Variants in CHI3L2 observed in about 807,000 individuals in gnomAD.
CHI3L2 encodes the protein chitinase-3-like protein 2.
In CHI3L2, 47 loss-of-function variants were observed where a neutral mutation model predicts 47.3. The ratio of observed to expected loss-of-function variants is 0.99; its 90% CI spans 0.79 to 1.27. CHI3L2 has a LOEUF of 1.27. Among genes scored for constraint, CHI3L2 ranks in the 50% most tolerant of loss-of-function variants. The probability of loss-of-function intolerance (pLI) is 0.00; values close to 1 mark genes in which losing one functional copy is unlikely to be tolerated. For missense variants in CHI3L2, 497 were observed against 462.1 expected, an observed-to-expected ratio of 1.08 and a Z score of -0.69; for synonymous variants, 198 against 169.9, an observed-to-expected ratio of 1.17 and a Z score of -1.28.
chr1:111,229,915 T>C (rs753095509), intron 2 of CHI3L2, 34 bp downstream of exon 2: 2 of 1,613,322 alleles, frequency 1.2e-6, no homozygotes, highest in Non-Finnish European at 1.7e-6. Flanking sequence ...CGCCTGGATC[T>C]CCTGGCTTGG....
chr1:111,233,584 C>T (rs954006094), intron 4 of CHI3L2, among the ~76,000 whole-genome samples: 6 of 152,200 alleles, frequency 3.9e-5, no homozygotes, highest in South Asian at 2.1e-4. Flanking sequence ...GTCAGCACCC[C>T]GCCCGGCCAG....
At chr1:111,229,708 A>AACAC in intron 1 of CHI3L2, 144 bp from the exon 2 acceptor site, 1 of 1,239,362 alleles carries the variant, frequency 8.1e-7, no homozygotes, top group African/African-American at 1.7e-5. Flanking sequence ...AAAAAAAAGA[A>AACAC]ACCACAGCAG....
chr1:111,242,140 C>G lies in CHI3L2; in HGVS notation c.1036-87C>G, dbSNP rs956571278. 1.9e-4 allele frequency: 302 copies of G among 1,551,304 alleles called. 1 individual carries two copies. Among genetic ancestry groups the G allele is most frequent in the Admixed American group, 3.2e-4 (19 of 59,314 alleles). On this transcript the variant is annotated intron_variant, in intron 9 of 10. Coordinates refer to ENST00000369748, the MANE Select transcript of CHI3L2 (RefSeq NM_004000.3). ...AGTTAGTCTACTGCTGTATTTTAAG[C>G]TTAGTCCCTCATCTGAACCTGATAT...
Position 111,242,219 on chromosome 1 carries a change from T to C in CHI3L2, c.1036-8T>C. 1.2e-6 allele frequency: 2 copies of C among 1,614,138 alleles called. No homozygotes were observed. Among genetic ancestry groups the C allele is most frequent in the Non-Finnish European group, 1.7e-6 (2 of 1,179,960 alleles). ...GAATCTCTGTGTATCCTTCTGTGTC[T>C]CCCATAGGTTCAGTTCTTAAAGAAT... On this transcript the variant is annotated splice_polypyrimidine_tract_variant and splice_region_variant and intron_variant, in intron 9 of 10. Transcript: ENST00000369748.
intron 1 of CHI3L2, among the ~76,000 whole-genome samples, 199 bp downstream of exon 1, chr1:111,227,968 C>CAG (rs1400531225): frequency 6.6e-6 from 1 of 152,152 alleles, no homozygotes; most frequent in Non-Finnish European, 1.5e-5. Flanking sequence ...CAGCAGTAGC[C>CAG]AGAACCCTTT....
chr1:111,239,067 G>A, intron 8 of CHI3L2, 135 bp downstream of exon 8: 3 of 833,226 alleles, frequency 3.6e-6, no homozygotes, highest in Non-Finnish European at 5.3e-6. Flanking sequence ...CATGTGAGGG[G>A]ATCTCCTAAC....
At chr1:111,232,744 G>T (rs1659761531) in intron 4 of CHI3L2, among the ~76,000 whole-genome samples, 1 of 152,176 alleles carries the variant, frequency 6.6e-6, no homozygotes, top group African/African-American at 2.4e-5. Context: ...ATACAAACTT[G>T]CTTCTAAGGA....
intron 7 of CHI3L2, among the ~76,000 whole-genome samples, chr1:111,238,262 C>T (rs1183558802): frequency 6.6e-6 from 1 of 152,232 alleles, no homozygotes; most frequent in Non-Finnish European, 1.5e-5. Context: ...CCATTCGTCA[C>T]TCATATTTGG....
intron 2 of CHI3L2, among the ~76,000 whole-genome samples, chr1:111,230,252 A>T (rs1659675486): frequency 6.6e-6 from 1 of 151,038 alleles, no homozygotes; most frequent in Non-Finnish European, 1.5e-5. Context: ...CTCTCAATGT[A>T]TTTTTTTTTA....
chr1:111,231,216 T>C, intron 3 of CHI3L2, 22 bp from the exon 4 acceptor site: 3 of 1,585,096 alleles, frequency 1.9e-6, no homozygotes, highest in Non-Finnish European at 1.7e-6. Flanking sequence ...AAATAAATAA[T>C]CATCTTATTC....
At chr1:111,231,849 C>T (rs903343177) in intron 4 of CHI3L2, among the ~76,000 whole-genome samples, 13 of 152,256 alleles carry the variant, frequency 8.5e-5, no homozygotes, top group Middle Eastern at 3.4e-3. Context: ...AGCACACATT[C>T]GAAATAATAT....
chr1:111,231,146 T>C, intron 3 of CHI3L2, 92 bp from the exon 4 acceptor site: 1 of 1,170,238 alleles, frequency 8.5e-7, no homozygotes, highest in Non-Finnish European at 1.3e-6. Context: ...GCCCTAATTG[T>C]CCATTTTCTC....
At chr1:111,237,839 G>A (rs1659928833) in intron 7 of CHI3L2, among the ~76,000 whole-genome samples, 1 of 152,150 alleles carries the variant, frequency 6.6e-6, no homozygotes, top group Non-Finnish European at 1.5e-5. Context: ...ATGCCTCACA[G>A]CTGACCAGCA....
chr1:111,238,116 G>A (rs1268672997), intron 7 of CHI3L2, among the ~76,000 whole-genome samples: 2 of 152,124 alleles, frequency 1.3e-5, no homozygotes, highest in Non-Finnish European at 2.9e-5. Context: ...GTTGTCCTGC[G>A]TTTCTGGAGT....
chr1:111,235,382 A>T (rs947933144), intron 5 of CHI3L2, among the ~76,000 whole-genome samples: 15 of 152,224 alleles, frequency 9.9e-5, no homozygotes, highest in Non-Finnish European at 1.9e-4. Context: ...CAGAAGATCT[A>T]TCAGATAGAT....
intron 1 of CHI3L2, among the ~76,000 whole-genome samples, chr1:111,228,137 C>T (rs769373069): frequency 6.6e-6 from 1 of 152,114 alleles, no homozygotes; most frequent in Non-Finnish European, 1.5e-5. Context: ...TTATATTTTA[C>T]AACTTTTGGA....
rs762035542 is a variant in CHI3L2, at chr1:111,235,057, T to C, written c.480T>C (p.His160=). The change falls in exon 5 of 11, where the codon CAT becomes CAC. Residue 160 remains histidine (H), a splice_region_variant and synonymous_variant. Coordinates refer to ENST00000369748, the MANE Select transcript of CHI3L2 (RefSeq NM_004000.3). ...ACACTCATTTCACTGTGCTGATTCA[T>C]GTAAGTCATGAATCAAGTAATTCAT... ...KENTHFTVLI[H]ELAEAFQKDF... The C allele has an allele frequency of 1.1e-5, 18 of 1,613,434 alleles. No individual in the cohort carries two copies. The highest frequency in any genetic ancestry group is 1.5e-5 in the Non-Finnish European group (18 of 1,179,930).
At chr1:111,242,066 T>C (rs994331618) in intron 9 of CHI3L2, among the ~76,000 whole-genome samples, 161 bp from the exon 10 acceptor site, 9 of 152,166 alleles carry the variant, frequency 5.9e-5, no homozygotes, top group Non-Finnish European at 1.3e-4. Context: ...GGTGGCTCTC[T>C]CTCCCTGAGC....
chr1:111,231,260 T>A lies in CHI3L2; in HGVS notation c.295T>A (p.Leu99Met), dbSNP rs745775417. Residue 99 changes from leucine to methionine, a missense_variant, in exon 4 of 11, where the codon TTG becomes ATG. Physicochemically the swap from Leu to Met is conservative, Grantham distance 15. Coordinates refer to ENST00000369748, the MANE Select transcript of CHI3L2 (RefSeq NM_004000.3). ...KTKNPKLKIL[L>M]SIGGYLFGSK... ...CAGGAATCCCAAACTGAAAATTCTC[T>A]TGTCCATTGGAGGGTACCTGTTTGG... 6.2e-7 allele frequency: 1 copy of A among 1,611,476 alleles called. No homozygotes were observed. The highest frequency in any genetic ancestry group is 2.2e-5 in the East Asian group (1 of 44,860).
Sources: gnomAD v4.1 joint callset for allele counts (sites outside exome capture counted in the v4.1 genomes callset) on GRCh38, gnomAD v4.1.1 for gene constraint, MANE v1.5 for transcripts, NCBI Gene and HGNC (gene_info 2026-07-23, HGNC 2026-07-21) for gene names.